COL6A5: variants seen among roughly 807,000 people sequenced by gnomAD.
The protein encoded by COL6A5 is collagen alpha-5(VI) chain.
COL6A5 carries 48 observed loss-of-function variants against 65.6 expected under a neutral mutation model. That is an observed-to-expected ratio of 0.73 (90% CI 0.58 to 0.93). COL6A5 has a LOEUF of 0.93. Ranked by LOEUF, COL6A5 falls within the 40% of genes least tolerant of loss-of-function variation. The pLI, the probability that COL6A5 is intolerant of heterozygous loss-of-function variation, is 0.00. For synonymous variants in COL6A5, 291 were observed against 322.8 expected, an observed-to-expected ratio of 0.90 and a Z score of 1.05; for missense variants, 914 against 928.3, an observed-to-expected ratio of 0.98 and a Z score of 0.20.
chr3:130,423,264 C>T (rs922524549), intron 28 of COL6A5, among the ~76,000 whole-genome samples: 1 of 151,974 alleles, frequency 6.6e-6, no homozygotes, highest in Admixed American at 6.6e-5. Flanking sequence ...AGTGCAAAAT[C>T]GAATATTATG....
chr3:130,401,866 C>T lies in COL6A5; in HGVS notation c.4227+12C>T. 2.0e-6 allele frequency: 3 copies of T among 1,538,048 alleles called. No individual in the cohort carries two copies. Among genetic ancestry groups the T allele is most frequent in the Non-Finnish European group, 2.6e-6 (3 of 1,134,650 alleles). ...TACAAGCCATGAAGGTGCCACTCAC[C>T]TGTGATACTATTTTATCTAATGTGC... On this transcript the variant is annotated intron_variant and NMD_transcript_variant, in intron 12 of 41. Coordinates refer to the COL6A5 transcript ENST00000312481.
At chr3:130,365,346 C>T (rs571285350) in intron 1 of COL6A5, among the ~76,000 whole-genome samples, 47 of 152,242 alleles carry the variant, frequency 3.1e-4, no homozygotes, top group African/African-American at 1.1e-3. Context: ...GGCGAGATCT[C>T]GGCTCACTGC....
At chr3:130,384,646 G>A (rs543315734) in intron 4 of COL6A5, among the ~76,000 whole-genome samples, 158 bp from the exon 5 acceptor site, 2 of 152,186 alleles carry the variant, frequency 1.3e-5, no homozygotes, top group Admixed American at 1.3e-4. Flanking sequence ...TTTCAAAGGA[G>A]AAAATGGGCA....
At chr3:130,465,270 G>A (rs577405572) in intron 5 of COL6A5, among the ~76,000 whole-genome samples, 87 of 152,134 alleles carry the variant, frequency 5.7e-4, no homozygotes, top group Admixed American at 1.5e-3. Flanking sequence ...TACCAGAGAG[G>A]GATAACTGTA....
At chr3:130,402,106 A>G (rs930046734) in intron 12 of COL6A5, among the ~76,000 whole-genome samples, 15 of 152,298 alleles carry the variant, frequency 9.8e-5, no homozygotes, top group African/African-American at 3.1e-4. Flanking sequence ...ATACTTTTGT[A>G]CCTGCTTTAG....
chr3:130,413,413 A>G (rs76496538), intron 20 of COL6A5, 132 bp from the exon 21 acceptor site: 19,715 of 789,886 alleles, frequency 0.025, 574 homozygotes, highest in Non-Finnish European at 0.033. Flanking sequence ...TCTATGGAAA[A>G]TGCCTCAGGG....
chr3:130,477,121 T>C (rs1559923787), intron 7 of COL6A5: 17 of 1,412,292 alleles, frequency 1.2e-5, no homozygotes, highest in Non-Finnish European at 1.4e-5. Flanking sequence ...TAGTGATTCA[T>C]ACTCTATGTT....
intron 5 of COL6A5, among the ~76,000 whole-genome samples, chr3:130,385,696 C>T (rs1936162767): frequency 6.6e-6 from 1 of 151,844 alleles, no homozygotes; most frequent in Admixed American, 6.6e-5. Context: ...TATGTGCATA[C>T]ACAAATAAGT....
At chr3:130,355,642 C>G (rs1266443658) in intron 1 of COL6A5, among the ~76,000 whole-genome samples, 1 of 151,616 alleles carries the variant, frequency 6.6e-6, no homozygotes, top group Non-Finnish European at 1.5e-5. Flanking sequence ...TATATATACC[C>G]ACACACATAA....
intron 1 of COL6A5, among the ~76,000 whole-genome samples, chr3:130,360,986 A>G (rs1935085621): frequency 6.6e-6 from 1 of 151,972 alleles, no homozygotes; most frequent in Non-Finnish European, 1.5e-5. Context: ...ACAAGTACAA[A>G]GTTCCTATAT....
chr3:130,393,839 G>C (rs982146947), intron 7 of COL6A5, among the ~76,000 whole-genome samples: 2 of 152,190 alleles, frequency 1.3e-5, no homozygotes, highest in African/African-American at 4.8e-5. Context: ...GGTGGCCCTA[G>C]GAAGGGCATG....
chr3:130,360,523 G>C (rs1321480411), intron 1 of COL6A5, among the ~76,000 whole-genome samples: 4 of 152,092 alleles, frequency 2.6e-5, no homozygotes, highest in Admixed American at 6.5e-5. Flanking sequence ...AAACCAGTAG[G>C]AGTTTTATTA....
chr3:130,409,473 C>T (rs1937106704), intron 18 of COL6A5, 85 bp downstream of exon 18: 1 of 1,155,174 alleles, frequency 8.7e-7, no homozygotes, highest in Non-Finnish European at 1.2e-6. Context: ...TCCTGCCTAC[C>T]CTGTAGGCAA....
chr3:130,478,344 T>C (rs1393678267), intron 7 of COL6A5, among the ~76,000 whole-genome samples: 2 of 152,218 alleles, frequency 1.3e-5, no homozygotes, highest in African/African-American at 4.8e-5. Context: ...GCTAACTGGC[T>C]TTATGATCTT....
intron 19 of COL6A5, 24 bp downstream of exon 19, chr3:130,410,098 G>A (rs2107673498): frequency 1.3e-6 from 2 of 1,490,894 alleles, no homozygotes; most frequent in Non-Finnish European, 1.8e-6. Flanking sequence ...TTTTATCTAT[G>A]AGTTGATTAA....
At chr3:130,376,566 C>T in exon 3 of COL6A5, 1 of 1,605,182 alleles carries the variant, frequency 6.2e-7, no homozygotes, top group Non-Finnish European at 8.5e-7. Flanking sequence ...AGACAGGAAA[C>T]AGTTTCCCCC....
intron 13 of COL6A5, among the ~76,000 whole-genome samples, chr3:130,404,036 G>A (rs1936904950): frequency 6.6e-6 from 1 of 152,146 alleles, no homozygotes; most frequent in Admixed American, 6.5e-5. Flanking sequence ...GGGCACAGCA[G>A]GTTATCTGCC....
At chr3:130,435,019 C>G (rs1184541672) in intron 1 of COL6A5, among the ~76,000 whole-genome samples, 1 of 152,168 alleles carries the variant, frequency 6.6e-6, no homozygotes, top group Non-Finnish European at 1.5e-5. Flanking sequence ...TTGCCCATGC[C>G]TATGTCCTGA....
At chr3:130,445,708 G>A (rs894757451) in intron 4 of COL6A5, among the ~76,000 whole-genome samples, 53 of 152,198 alleles carry the variant, frequency 3.5e-4, no homozygotes, top group African/African-American at 1.2e-3. Flanking sequence ...CATTTTAAGG[G>A]AAAGAATGAG....
Sources: gnomAD v4.1 joint callset for allele counts (sites outside exome capture counted in the v4.1 genomes callset) on GRCh38, gnomAD v4.1.1 for gene constraint, MANE v1.5 for transcripts, NCBI Gene and HGNC (gene_info 2026-07-23, HGNC 2026-07-21) for gene names.